The following SHISA9 variants were observed in gnomAD, a reference collection of about 807,000 sequenced individuals.
SHISA9 encodes protein shisa-9.
SHISA9 carries 13 observed loss-of-function variants against 38.0 expected under a neutral mutation model. That is an observed-to-expected ratio of 0.34 (90% CI 0.22 to 0.54). The LOEUF (loss-of-function observed/expected upper bound fraction) is 0.54, where lower values mean the gene tolerates loss of function less well. Ranked by LOEUF, SHISA9 falls within the 20% of genes least tolerant of loss-of-function variation. The pLI is 0.91. For missense variants in SHISA9, 538 were observed against 575.8 expected (o/e 0.93, Z 0.67); for synonymous variants, 275 against 242.0 (o/e 1.14, Z -1.27).
chr16:13,493,546 G>A, the SHISA9 span, among the ~76,000 whole-genome samples: 1 of 152,304 alleles, frequency 6.6e-6, no homozygotes, highest in South Asian at 2.1e-4. Context: ...ACGTTCTAAT[G>A]AGGTCATGGC....
At chr16:13,325,338 A>G in the SHISA9 span, among the ~76,000 whole-genome samples, 2 of 152,160 alleles carry the variant, frequency 1.3e-5, no homozygotes, top group African/African-American at 4.8e-5. Context: ...CAGTCTTAAG[A>G]TCTCTCTTTT....
At chr16:13,339,916 C>A in the SHISA9 span, among the ~76,000 whole-genome samples, 1 of 152,110 alleles carries the variant, frequency 6.6e-6, no homozygotes, top group Non-Finnish European at 1.5e-5. Context: ...GTACTATACA[C>A]CTTAGCTATC....
At chr16:13,404,718 G>A in the SHISA9 span, among the ~76,000 whole-genome samples, 1 of 152,178 alleles carries the variant, frequency 6.6e-6, no homozygotes, top group Non-Finnish European at 1.5e-5. Flanking sequence ...TGTCTTTAGG[G>A]ATGACTCTCA....
chr16:13,523,928 A>G, the SHISA9 span, among the ~76,000 whole-genome samples: 1 of 152,224 alleles, frequency 6.6e-6, no homozygotes, highest in South Asian at 2.1e-4. Flanking sequence ...GATCCTCATA[A>G]CAATATTAAG....
chr16:12,973,434 A>T (rs2072111985), intron 2 of SHISA9, among the ~76,000 whole-genome samples: 1 of 152,208 alleles, frequency 6.6e-6, no homozygotes, highest in African/African-American at 2.4e-5. Context: ...ATAAAGATAT[A>T]GGCTACAGAC....
At chr16:13,534,596 T>C in the SHISA9 span, among the ~76,000 whole-genome samples, 2 of 152,194 alleles carry the variant, frequency 1.3e-5, no homozygotes, top group Middle Eastern at 3.2e-3. Flanking sequence ...TTTTCAACCC[T>C]CTTTTTACAA....
chr16:12,922,519 A>G (rs1445846192), intron 2 of SHISA9, among the ~76,000 whole-genome samples: 2 of 151,970 alleles, frequency 1.3e-5, no homozygotes, highest in African/African-American at 4.8e-5. Flanking sequence ...CCATTTCCCC[A>G]ACCTTTTCTT....
chr16:13,185,655 T>C (rs2070710897), intron 2 of SHISA9, among the ~76,000 whole-genome samples: 1 of 152,246 alleles, frequency 6.6e-6, no homozygotes, highest in Admixed American at 6.5e-5. Context: ...ATTGTTTACC[T>C]GTTTCCCTCA....
At chr16:13,257,866 T>C in the SHISA9 span, among the ~76,000 whole-genome samples, 3 of 143,296 alleles carry the variant, frequency 2.1e-5, no homozygotes, top group African/African-American at 7.7e-5. Flanking sequence ...TTAAATACTT[T>C]ATTTTTTTTG....
chr16:12,960,105 C>G (rs186998863), intron 2 of SHISA9, among the ~76,000 whole-genome samples: 1 of 152,160 alleles, frequency 6.6e-6, no homozygotes, highest in African/African-American at 2.4e-5. Context: ...GTGGTGTGCT[C>G]ATTTGGCGTT....
chr16:13,262,361 G>T, the SHISA9 span, among the ~76,000 whole-genome samples: 107 of 152,092 alleles, frequency 7.0e-4, no homozygotes, highest in Non-Finnish European at 1.2e-3. Flanking sequence ...GGCATCCACA[G>T]CTCTCTTATA....
chr16:13,416,661 A>G, the SHISA9 span, among the ~76,000 whole-genome samples: 25 of 151,978 alleles, frequency 1.6e-4, no homozygotes, highest in African/African-American at 5.8e-4. Context: ...GCACTGAGCG[A>G]TGGTAACACC....
intron 2 of SHISA9, among the ~76,000 whole-genome samples, chr16:13,049,204 G>A (rs923179165): frequency 2.2e-5 from 3 of 137,324 alleles, no homozygotes; most frequent in African/African-American, 5.3e-5. Flanking sequence ...GTGTGTGTGT[G>A]TATGTGTATG....
chr16:13,411,719 A>G, the SHISA9 span, among the ~76,000 whole-genome samples: 2 of 152,150 alleles, frequency 1.3e-5, no homozygotes, highest in African/African-American at 4.8e-5. Context: ...TTAAGGATAC[A>G]CTCTGTAAGT....
chr16:12,902,287 C>A lies in SHISA9; in HGVS notation c.223C>A (p.Arg75=). The stretch of plus-strand genomic sequence containing the variant: ...CCGGGCGCCCACGCCGGACTTCTGC[C>A]GGGGCTACTTCGATGTCATGGGCCA... ...PTRAPTPDFC[R]GYFDVMGQWD... The change falls in exon 1 of 5, where the codon CGG becomes AGG. Residue 75 remains arginine (R), a synonymous_variant. Coordinates refer to ENST00000558583, the MANE Select transcript of SHISA9 (RefSeq NM_001145204.3). 1.3e-6 allele frequency: 2 copies of A among 1,549,934 alleles called. No homozygotes were observed. The highest frequency in any genetic ancestry group is 1.2e-5 in the South Asian group (1 of 84,064).
chr16:13,250,662 T>C, the SHISA9 span, among the ~76,000 whole-genome samples: 4,645 of 152,258 alleles, frequency 0.031, 240 homozygotes, highest in African/African-American at 0.11. Flanking sequence ...TGCTTATATA[T>C]ATAACAACAA....
chr16:13,283,090 G>A, the SHISA9 span, among the ~76,000 whole-genome samples: 1 of 152,054 alleles, frequency 6.6e-6, no homozygotes, highest in Admixed American at 6.6e-5. Context: ...ACTGGACATG[G>A]TGAATAATAT....
the SHISA9 span, among the ~76,000 whole-genome samples, chr16:13,309,471 C>T: frequency 6.6e-6 from 1 of 151,728 alleles, no homozygotes; most frequent in African/African-American, 2.4e-5. Context: ...GGTGAAACCC[C>T]ATCTCTACTA....
chr16:12,912,857 G>A (rs1327334024), intron 1 of SHISA9, among the ~76,000 whole-genome samples: 1 of 152,090 alleles, frequency 6.6e-6, no homozygotes, highest in African/African-American at 2.4e-5. Flanking sequence ...CAGTTCCATT[G>A]GCCTTCTTGC....
Sources: allele counts gnomAD v4.1 joint callset (sites outside exome capture counted in the v4.1 genomes callset), GRCh38; gene constraint gnomAD v4.1.1; transcripts MANE v1.5; gene names NCBI Gene and HGNC (gene_info 2026-07-23, HGNC 2026-07-21).